Variants in PUDP observed in about 807,000 individuals in gnomAD.
PUDP encodes the protein pseudouridine-5'-phosphatase.
Under a neutral mutation model 9.4 loss-of-function variants are expected in PUDP, and 8 were observed. That is an observed-to-expected ratio of 0.85 (90% CI 0.50 to 1.53). PUDP has a LOEUF of 1.53. Ranked by LOEUF, PUDP falls within the 40% of genes most tolerant of loss-of-function variation. The pLI, the probability that PUDP is intolerant of heterozygous loss-of-function variation, is 0.00. For missense variants in PUDP, 188 were observed against 189.7 expected (o/e 0.99, Z 0.05); for synonymous variants, 99 against 80.7 (o/e 1.23, Z -1.22).
At chrX:6,814,633 T>C (rs1423307889) in intron 3 of PUDP, among the ~76,000 whole-genome samples, 11 of 111,823 alleles carry the variant, frequency 9.8e-5, no homozygotes, top group African/African-American at 2.9e-4. Context: ...AAAGCTGGGA[T>C]AAGAAAATGT....
intron 2 of PUDP, chrX:6,706,216 T>C (rs1479493214): frequency 8.9e-6 from 1 of 112,566 alleles, no homozygotes; most frequent in African/African-American, 3.2e-5. Context: ...TGAATAGTTA[T>C]GGAGTTTCAC....
intron 1 of PUDP, among the ~76,000 whole-genome samples, chrX:7,027,923 A>G (rs867896143): frequency 9.9e-6 from 1 of 101,366 alleles, no homozygotes; most frequent in Admixed American, 1.1e-4. Context: ...TTTTCTATAT[A>G]GTTTATATAG....
intron 3 of PUDP, among the ~76,000 whole-genome samples, chrX:6,800,532 C>A (rs772431348): frequency 8.9e-6 from 1 of 112,133 alleles, no homozygotes; most frequent in East Asian, 2.8e-4. Context: ...AAATCCACTT[C>A]TTTTGTTCTC....
At chrX:7,019,832 T>C (rs1929605494) in intron 1 of PUDP, among the ~76,000 whole-genome samples, 1 of 111,797 alleles carries the variant, frequency 8.9e-6, no homozygotes, top group Non-Finnish European at 1.9e-5. Flanking sequence ...ATTTTGCCTT[T>C]CATGAGTTGA....
At chrX:7,125,258 A>AT (rs1223219562) in intron 1 of PUDP, among the ~76,000 whole-genome samples, 5 of 110,684 alleles carry the variant, frequency 4.5e-5, no homozygotes, top group Non-Finnish European at 5.7e-5. Context: ...ACTATTAATC[A>AT]TTTTTTTTCC....
chrX:7,024,296 A>G (rs1929675491), intron 1 of PUDP, among the ~76,000 whole-genome samples: 1 of 111,792 alleles, frequency 8.9e-6, no homozygotes, highest in Non-Finnish European at 1.9e-5. Flanking sequence ...AGTTTTTACC[A>G]TTAACAAGAA....
intron 1 of PUDP, among the ~76,000 whole-genome samples, chrX:7,145,052 A>C (rs919284989): frequency 9.0e-6 from 1 of 111,388 alleles, no homozygotes; most frequent in Non-Finnish European, 1.9e-5. Context: ...GTAGCCACCC[A>C]CCAAATGAGG....
intron 3 of PUDP, among the ~76,000 whole-genome samples, chrX:6,936,752 A>G (rs1241104156): frequency 7.0e-5 from 6 of 85,949 alleles, no homozygotes; most frequent in South Asian, 7.1e-4. Flanking sequence ...TCTCAGCCCA[A>G]AATCTCCTTA....
At chrX:7,095,298 T>C (rs1931542067) in intron 2 of PUDP, among the ~76,000 whole-genome samples, 1 of 112,268 alleles carries the variant, frequency 8.9e-6, no homozygotes, top group African/African-American at 3.2e-5. Flanking sequence ...TGCCATTCCC[T>C]GTGCTAAGAG....
At chrX:6,874,763 C>A (rs1258162783) in intron 3 of PUDP, among the ~76,000 whole-genome samples, 1 of 112,328 alleles carries the variant, frequency 8.9e-6, no homozygotes, top group East Asian at 2.8e-4. Context: ...AATAAATATA[C>A]TGTTACTATT....
intron 1 of PUDP, among the ~76,000 whole-genome samples, chrX:6,978,762 G>C (rs1158431960): frequency 4.4e-5 from 5 of 112,535 alleles, no homozygotes; most frequent in Non-Finnish European, 7.5e-5. Context: ...GTTGCCAAAA[G>C]CAAATGGGAA....
At chrX:7,143,787 T>C (rs1448178445) in intron 1 of PUDP, among the ~76,000 whole-genome samples, 1 of 112,253 alleles carries the variant, frequency 8.9e-6, no homozygotes, top group South Asian at 3.7e-4. Flanking sequence ...AGATTACTCA[T>C]TGATCACCCT....
rs371308475 is a variant in PUDP, at chrX:6,957,158, A to C, written c.*247+19975T>G. 4.5e-5 allele frequency among the ~76,000 whole-genome samples: 5 copies of C among 111,383 alleles called. No homozygotes were observed. In the East Asian group the frequency reaches 1.4e-3, roughly 31 times the overall value. ...GATGCATGCAGCCTGAGCCCAGGGG[A>C]GGAGTTGAAGATAAGGTTAAAGAGA... On this transcript the variant is annotated intron_variant and NMD_transcript_variant, in intron 3 of 3. Transcript: ENST00000655425.
At chrX:6,936,025 G>A (rs1414178562) in intron 3 of PUDP, among the ~76,000 whole-genome samples, 11 of 110,589 alleles carry the variant, frequency 9.9e-5, no homozygotes, top group South Asian at 3.9e-4. Context: ...CCAGGACCAG[G>A]TGGATTCACA....
At chrX:6,866,594 G>A (rs55726328) in intron 3 of PUDP, among the ~76,000 whole-genome samples, 10,254 of 110,894 alleles carry the variant, frequency 0.092, 606 homozygotes, top group East Asian at 0.46. Flanking sequence ...TAGGAAGATG[G>A]TGCCTCCTTG....
intron 3 of PUDP, among the ~76,000 whole-genome samples, chrX:6,915,845 A>T (rs1417150429): frequency 9.0e-6 from 1 of 111,338 alleles, no homozygotes. Context: ...ATAATATGTG[A>T]TCTCACTTAA....
At chrX:6,818,395 G>A (rs1433334356) in intron 3 of PUDP, among the ~76,000 whole-genome samples, 1 of 112,078 alleles carries the variant, frequency 8.9e-6, no homozygotes, top group Admixed American at 9.5e-5. Flanking sequence ...TTTAATACAT[G>A]GATACACCTG....
chrX:7,020,446 A>T (rs1238986389), intron 1 of PUDP, among the ~76,000 whole-genome samples: 2 of 109,440 alleles, frequency 1.8e-5, no homozygotes, highest in Non-Finnish European at 3.8e-5. Context: ...TCATCCCCTG[A>T]CTCCCATCTC....
At chrX:7,137,510 G>A (rs776430615) in intron 1 of PUDP, among the ~76,000 whole-genome samples, 1 of 112,000 alleles carries the variant, frequency 8.9e-6, no homozygotes, top group Non-Finnish European at 1.9e-5. Context: ...TCGCACCACT[G>A]CACTCCAGCC....
Sources: allele counts gnomAD v4.1 joint callset (sites outside exome capture counted in the v4.1 genomes callset), GRCh38; gene constraint gnomAD v4.1.1; transcripts MANE v1.5; gene names NCBI Gene and HGNC (gene_info 2026-07-23, HGNC 2026-07-21).